ERP44: variants seen among roughly 807,000 people sequenced by gnomAD.
The protein encoded by ERP44 is endoplasmic reticulum resident protein 44.
ERP44 carries 25 observed loss-of-function variants against 53.4 expected under a neutral mutation model. That is an observed-to-expected ratio of 0.47 (90% confidence interval 0.34 to 0.65). ERP44 has a LOEUF of 0.65. ERP44 is among the 30% of genes least tolerant of loss of function. The pLI is 0.01. For synonymous variants in ERP44, 145 were observed against 161.2 expected (o/e 0.90, Z 0.76); for missense variants, 338 against 493.2 (o/e 0.69, Z 2.98).
At chr9:100,079,865 T>C (rs1564105116) in intron 1 of ERP44, among the ~76,000 whole-genome samples, 3 of 151,576 alleles carry the variant, frequency 2.0e-5, no homozygotes, top group Non-Finnish European at 2.9e-5. Flanking sequence ...AGCCCAGGAG[T>C]TCTAGGTTAC....
intron 1 of ERP44, among the ~76,000 whole-genome samples, chr9:100,096,032 A>G (rs557927418): frequency 3.9e-5 from 6 of 152,306 alleles, no homozygotes; most frequent in African/African-American, 1.4e-4. Flanking sequence ...AAGTGTTCAC[A>G]TGCGGGACAA....
chr9:100,057,173 G>A (rs1826095211), intron 3 of ERP44, among the ~76,000 whole-genome samples: 1 of 152,160 alleles, frequency 6.6e-6, no homozygotes, highest in South Asian at 2.1e-4. Flanking sequence ...TAAAGACTAT[G>A]CTGAATCTTT....
intron 10 of ERP44, among the ~76,000 whole-genome samples, chr9:100,000,070 T>C (rs1208736172): frequency 6.6e-6 from 1 of 152,166 alleles, no homozygotes; most frequent in African/African-American, 2.4e-5. Flanking sequence ...CATCTATGTT[T>C]ATCAAGGATA....
intron 8 of ERP44, among the ~76,000 whole-genome samples, chr9:100,012,746 T>G (rs1452908330): frequency 6.6e-6 from 1 of 152,200 alleles, no homozygotes; most frequent in African/African-American, 2.4e-5. Flanking sequence ...TAAATGCTGT[T>G]GGCATAGACT....
At position 100,053,001 on chromosome 9, in the gene ERP44, T is replaced by A. The variant is rs1826054017; in HGVS notation, c.171-469A>T. Among the ~76,000 whole-genome samples the A allele has an allele frequency of 3.3e-5, 5 of 152,124 alleles. No homozygotes were observed. In the South Asian group the frequency reaches 1.0e-3, roughly 32 times the overall value. ...GGCACAATCTGAGCTCACTGCACCC[T>A]CCACCTCCAGGGCTCAAGCAATCCT... On this transcript the variant is annotated intron_variant, in intron 3 of 11. Coordinates refer to ENST00000262455, the MANE Select transcript of ERP44 (RefSeq NM_015051.3).
chr9:100,048,677 T>C (rs62577227), intron 4 of ERP44, among the ~76,000 whole-genome samples: 2,514 of 152,316 alleles, frequency 0.017, 30 homozygotes, highest in Non-Finnish European at 0.026. Context: ...CGAAATATTA[T>C]TCAGCCTTAA....
At chr9:100,048,207 A>G (rs527471506) in intron 4 of ERP44, among the ~76,000 whole-genome samples, 1 of 152,190 alleles carries the variant, frequency 6.6e-6, no homozygotes, top group Non-Finnish European at 1.5e-5. Flanking sequence ...GCATTAGGAG[A>G]TATACCTAAT....
At chr9:100,034,851 A>G (rs1326396110) in intron 4 of ERP44, among the ~76,000 whole-genome samples, 1 of 152,226 alleles carries the variant, frequency 6.6e-6, no homozygotes, top group Non-Finnish European at 1.5e-5. Flanking sequence ...TAACCAGAAC[A>G]GTAAGATACC....
rs1830427213 is a variant in ERP44 at position 100,006,544 on chromosome 9, A to G, written c.978T>C (p.Phe326=). ...ADCPVIAIDS[F]RHMYVFGDFK... is the part of the protein sequence containing the mutation. ...AGTCTCCAAACACATACATATGCCT[A>G]AAGCTGTCAATAGCGATTACAGGAC... Residue 326 remains phenylalanine (F), a synonymous_variant, in exon 10 of 12, where the codon TTT becomes TTC. Coordinates refer to ENST00000262455, the MANE Select transcript of ERP44 (RefSeq NM_015051.3). 1.2e-6 allele frequency: 2 copies of G among 1,611,304 alleles called. No individual in the cohort carries two copies. The highest frequency in any genetic ancestry group is 1.3e-5 in the African/African-American group (1 of 74,856).
Position 100,060,155 on chromosome 9 carries a change from A to G in ERP44, c.75T>C (p.Thr25=). The change falls in exon 2 of 12, where the codon ACT becomes ACC. Residue 25 remains threonine (T), a synonymous_variant. Transcript: ENST00000262455. ...SLLLLVTWVF[T]PVTTEITSLD... ...GACTTGTTATTTCAGTTGTTACAGG[A>G]GTAAAAACCCAAGTTACCTGAAAAT... is the stretch of plus-strand genomic sequence containing the variant. 1 of 1,496,436 alleles carries G rather than the reference A, an allele frequency of 6.7e-7. No individual in the cohort carries two copies. Among genetic ancestry groups the G allele is most frequent in the Non-Finnish European group, 8.9e-7 (1 of 1,125,250 alleles). 92.7% of individuals were successfully genotyped at this position (1,496,436 alleles called of 1,614,324 possible).
chr9:100,045,213 C>T (rs1017714834), intron 4 of ERP44, among the ~76,000 whole-genome samples: 2 of 152,198 alleles, frequency 1.3e-5, no homozygotes, highest in African/African-American at 4.8e-5. Context: ...CACTCTTCTT[C>T]CACTACTTCA....
intron 9 of ERP44, 89 bp from the exon 10 acceptor site, chr9:100,006,736 A>G (rs1300710334): frequency 2.6e-6 from 2 of 756,362 alleles, no homozygotes; most frequent in Middle Eastern, 3.5e-4. Context: ...GTGACATACT[A>G]AAAAAAAAGC....
In ERP44 at chr9:99,981,961, TTAA is replaced by T. The variant is rs1268868765; in HGVS notation, c.*648_*650del. 1.3e-5 allele frequency: 2 copies of T among 152,402 alleles called. No homozygotes were observed. The highest frequency in any genetic ancestry group is 4.8e-5 in the African/African-American group (2 of 41,444). 9.4% of individuals were successfully genotyped at this position (152,402 alleles called of 1,614,324 possible). A position where few individuals can be genotyped will look rare whatever the true frequency, so the allele number is the denominator to read the frequency against. ...CACATTTTTAGACAAACACAGAAGC[TTAA>T]TAATACTTTTCATTTTCTTTTTCTT... On this transcript the variant is annotated 3_prime_UTR_variant, in exon 12 of 12. Transcript: ENST00000262455.
At chr9:100,096,635 G>T (rs2118768406) in intron 1 of ERP44, among the ~76,000 whole-genome samples, 1 of 152,220 alleles carries the variant, frequency 6.6e-6, no homozygotes, top group East Asian at 1.9e-4. Context: ...TAGGGTTGAG[G>T]TACAAAGTGC....
intron 1 of ERP44, among the ~76,000 whole-genome samples, chr9:100,069,531 G>C (rs1158949729): frequency 1.3e-5 from 2 of 152,090 alleles, no homozygotes; most frequent in African/African-American, 4.8e-5. Flanking sequence ...AGGAAATGGA[G>C]GTTGCAGTGA....
At chr9:99,983,303 T>C (rs1250238210) in intron 11 of ERP44, among the ~76,000 whole-genome samples, 3 of 151,966 alleles carry the variant, frequency 2.0e-5, no homozygotes, top group Non-Finnish European at 4.4e-5. Flanking sequence ...CCCAGCACTT[T>C]GGGAGGCCGA....
intron 1 of ERP44, among the ~76,000 whole-genome samples, chr9:100,072,660 T>A (rs1826318924): frequency 6.6e-6 from 1 of 152,118 alleles, no homozygotes; most frequent in South Asian, 2.1e-4. Context: ...GTAGCTGGGA[T>A]TACAAGTGTG....
At chr9:100,047,820 T>C (rs75628149) in intron 4 of ERP44, among the ~76,000 whole-genome samples, 2,594 of 152,228 alleles carry the variant, frequency 0.017, 81 homozygotes, top group African/African-American at 0.06. Context: ...AGAATTTATT[T>C]GCAAATCATA....
intron 10 of ERP44, among the ~76,000 whole-genome samples, chr9:99,994,461 T>C (rs978222041): frequency 3.3e-5 from 5 of 151,940 alleles, no homozygotes; most frequent in African/African-American, 1.2e-4. Flanking sequence ...ATGACAACAC[T>C]TGGACATGGG....
Sources: gnomAD v4.1 joint callset for allele counts (sites outside exome capture counted in the v4.1 genomes callset) on GRCh38, gnomAD v4.1.1 for gene constraint, MANE v1.5 for transcripts, NCBI Gene and HGNC (gene_info 2026-07-23, HGNC 2026-07-21) for gene names.